Variants in AMACR observed in about 807,000 individuals in gnomAD.
AMACR encodes 2-methylacyl-CoA racemase.
In AMACR, 18 loss-of-function variants were observed where a neutral mutation model predicts 22.2. The observed-to-expected ratio is 0.81, with a 90% confidence interval of 0.56 to 1.20. AMACR has a LOEUF of 1.20. Ranked by LOEUF, AMACR falls within the 50% of genes most tolerant of loss-of-function variation. AMACR has a pLI of 0.00. For synonymous variants in AMACR, 213 were observed against 191.3 expected (o/e 1.11, Z -0.94); for missense variants, 499 against 490.6 (o/e 1.02, Z -0.16).
intron 3 of AMACR, among the ~76,000 whole-genome samples, chr5:34,000,997 G>A (rs1209807975): frequency 6.6e-6 from 1 of 152,136 alleles, no homozygotes; most frequent in African/African-American, 2.4e-5. Context: ...ACAAAAACAA[G>A]CTCTGGTCTA....
intron 4 of AMACR, chr5:33,997,380 G>A (rs772652147): frequency 9.0e-6 from 7 of 776,504 alleles, no homozygotes; most frequent in African/African-American, 5.1e-5. Flanking sequence ...GGCCATTGCC[G>A]CCTCCAACGG....
chr5:33,994,316 T>C (rs1753572173), intron 4 of AMACR, among the ~76,000 whole-genome samples: 1 of 152,020 alleles, frequency 6.6e-6, no homozygotes. Flanking sequence ...GCAGCTGGGA[T>C]TACAGACACG....
At position 33,988,719 on chromosome 5, in the gene AMACR, C is replaced by A; in HGVS notation, c.*374G>T. The A allele has an allele frequency of 1.7e-6, 2 of 1,191,120 alleles. No homozygotes were observed. The highest frequency in any genetic ancestry group is 1.6e-5 in the African/African-American group (1 of 63,792). 73.8% of individuals were successfully genotyped at this position (1,191,120 alleles called of 1,614,324 possible). On this transcript the variant is annotated 3_prime_UTR_variant, in exon 5 of 5. Transcript: ENST00000335606. ...ACAATTTGTGGCATTTCCTCATTTT[C>A]TACATTGTAGAATCAAGAGTGTAAA...
In AMACR at chr5:34,007,780, G is replaced by T; in HGVS notation, c.240C>A (p.Phe80Leu). ...CKRSDVLLEP[F>L]RRGVMEKLQL... Reference sequence around the variant, plus strand: ...CGCGGGGCCCGGGCTCACCGCGGCGGAAGGGCTCCAGCAGCACATCCGACC... The same window carrying T: ...CGCGGGGCCCGGGCTCACCGCGGCGTAAGGGCTCCAGCAGCACATCCGACC... Residue 80 changes from phenylalanine to leucine, a missense_variant, in exon 1 of 5, where the codon TTC (phenylalanine) becomes TTA (leucine). Phe to Leu is a conservative substitution (Grantham distance 22). Transcript: ENST00000335606. 1.9e-6 allele frequency: 3 copies of T among 1,558,194 alleles called. No individual in the cohort carries two copies. The highest frequency in any genetic ancestry group is 2.3e-5 in the East Asian group (1 of 42,596).
At chr5:34,005,257 C>A (rs768276222) in intron 2 of AMACR, among the ~76,000 whole-genome samples, 11 of 152,124 alleles carry the variant, frequency 7.2e-5, no homozygotes, top group African/African-American at 1.2e-4. Flanking sequence ...TCTCACATGT[C>A]GTCACAGGCA....
chr5:33,993,497 G>A lies in AMACR; in HGVS notation c.740-3995C>T, dbSNP rs79913913. On this transcript the variant is annotated intron_variant, in intron 4 of 4. Coordinates refer to ENST00000335606, the MANE Select transcript of AMACR (RefSeq NM_014324.6). Reference sequence around the variant, plus strand: ...TGTCTAATTTTCTGAGGAAATGCACGCTGTTTTTGACAGTGGCTACACCAC... The same window carrying A: ...TGTCTAATTTTCTGAGGAAATGCACACTGTTTTTGACAGTGGCTACACCAC... Among the ~76,000 whole-genome samples the A allele has an allele frequency of 7.7e-3, 1,171 of 152,266 alleles. 17 individuals are homozygous for A. Among genetic ancestry groups the A allele is most frequent in the African/African-American group, 0.027 (1,104 of 41,544 alleles).
At chr5:33,994,213 T>G (rs1381891920) in intron 4 of AMACR, 2 of 352,248 alleles carry the variant, frequency 5.7e-6, no homozygotes, top group Non-Finnish European at 1.2e-5. Flanking sequence ...AGAGTCTCGC[T>G]CTGTCACCCA....
intron 3 of AMACR, among the ~76,000 whole-genome samples, chr5:34,000,387 T>C (rs1753781388): frequency 6.6e-6 from 1 of 152,250 alleles, no homozygotes; most frequent in South Asian, 2.1e-4. Flanking sequence ...GGCCAAAGAA[T>C]GTGAGAAGTT....
chr5:34,006,969 T>C (rs1213670930), intron 1 of AMACR, among the ~76,000 whole-genome samples: 2 of 152,214 alleles, frequency 1.3e-5, no homozygotes, highest in Non-Finnish European at 1.5e-5. Context: ...GCAGCAGGTA[T>C]GGAGAGAAAT....
Position 34,007,818 on chromosome 5 carries a change from G to C in AMACR, c.202C>G (p.Arg68Gly). 3 of 1,576,672 alleles carry C rather than the reference G, an allele frequency of 1.9e-6. No individual in the cohort carries two copies. Among genetic ancestry groups the C allele is most frequent in the Non-Finnish European group, 2.6e-6 (3 of 1,165,442 alleles). Residue 68 changes from arginine to glycine, a missense_variant, in exon 1 of 5, where the codon CGT (arginine) becomes GGT (glycine). By Grantham distance (125) the Arg-to-Gly change is moderately radical. Coordinates refer to ENST00000335606, the MANE Select transcript of AMACR (RefSeq NM_014324.6). ...AGCACATCCGACCGCTTGCACAGAC[G>C]CCGCAGCACGGCGGCTCCCCGCGGC... ...KQPRGAAVLR[R>G]LCKRSDVLLE...
chr5:33,997,300 C>T lies in AMACR; in HGVS notation c.739+1341G>A, dbSNP rs754024031. ...TAGTTTTCTGTGAAGGAAACTGAAG[C>T]ATCCCCCAGCAGCCTGAGTGTAACA... On this transcript the variant is annotated intron_variant, in intron 4 of 4. Coordinates refer to ENST00000335606, the MANE Select transcript of AMACR (RefSeq NM_014324.6). 5.2e-6 allele frequency: 4 copies of T among 773,236 alleles called. No individual in the cohort carries two copies. In the African/African-American group the frequency reaches 6.8e-5, roughly 13 times the overall value. The allele number at this position is 773,236 out of a possible 1,614,324, so 47.9% of individuals were successfully genotyped here.
intron 4 of AMACR, among the ~76,000 whole-genome samples, chr5:33,998,100 C>A (rs1464577045): frequency 6.6e-6 from 1 of 152,178 alleles, no homozygotes; most frequent in Non-Finnish European, 1.5e-5. Context: ...GAAGAGATCC[C>A]AAATTTTCTT....
Position 33,989,094 on chromosome 5 carries a change from T to TAG in AMACR, c.1146_1147dup (p.Ter383SerfsTer20). 8 of 1,614,212 alleles carry TAG rather than the reference T, an allele frequency of 5.0e-6. No homozygotes were observed. Among genetic ancestry groups the TAG allele is most frequent in the Non-Finnish European group, 6.8e-6 (8 of 1,180,042 alleles). ...TCACTTGAGCCGTGGGCCTGGAAGTTAGAGACTAGCTTTTACCTTATTACT... is the reference window on the plus strand; with the variant it reads ...TCACTTGAGCCGTGGGCCTGGAAGTTAGAGAGACTAGCTTTTACCTTATTACT... On this transcript the variant is annotated frameshift_variant and stop_lost, in exon 5 of 5. Transcript: ENST00000335606. LOFTEE classifies it high-confidence loss of function.
chr5:33,995,143 T>C (rs1753598234), intron 4 of AMACR, among the ~76,000 whole-genome samples: 2 of 152,344 alleles, frequency 1.3e-5, no homozygotes, highest in South Asian at 4.1e-4. Context: ...ACATGAACCA[T>C]GTCCATCCCA....
Position 34,007,907 on chromosome 5 carries a change from C to T in AMACR, c.113G>A (p.Gly38Asp). The change falls in exon 1 of 5, where the codon GGC (glycine) becomes GAC (aspartate). Residue 38 changes from glycine to aspartate, a missense_variant. Coordinates refer to ENST00000335606, the MANE Select transcript of AMACR (RefSeq NM_014324.6). ...GARVVRVDRP[G>D]SRYDVSRLGR... Reference sequence around the variant, plus strand: ...CAAGCGGCTCACGTCGTAGCGGGAGCCGGGCCGGTCCACGCGTACCACACG... The same window carrying T: ...CAAGCGGCTCACGTCGTAGCGGGAGTCGGGCCGGTCCACGCGTACCACACG... 6.2e-7 allele frequency: 1 copy of T among 1,604,718 alleles called. No homozygotes were observed.
chr5:33,999,921 TAC>T (rs752099704), intron 3 of AMACR, among the ~76,000 whole-genome samples: 8 of 152,010 alleles, frequency 5.3e-5, no homozygotes, highest in African/African-American at 9.7e-5. Flanking sequence ...TTTATACACA[TAC>T]ACACACACAC....
rs543805675 is a variant in AMACR at position 33,997,078 on chromosome 5, C to G, written c.739+1563G>C. ...ACCCAGCATGTCCTTAGGTTTTACCCATTCATCAAACTGCTCTGCTGTGAG... is the reference window on the plus strand; with the variant it reads ...ACCCAGCATGTCCTTAGGTTTTACCGATTCATCAAACTGCTCTGCTGTGAG... On this transcript the variant is annotated intron_variant, in intron 4 of 4. Transcript: ENST00000335606. 9.6e-5 allele frequency: 72 copies of G among 748,340 alleles called. 1 individual carries two copies. The East Asian group carries it at 1.8e-3, about 19-fold the overall frequency. The allele number at this position is 748,340 out of a possible 1,614,324, so 46.4% of individuals were successfully genotyped here. A position where few individuals can be genotyped will look rare whatever the true frequency, so the allele number is the denominator to read the frequency against.
rs1470531052 is a variant in AMACR at position 33,988,861 on chromosome 5, T to C, written c.*232A>G. 1.5e-6 allele frequency: 2 copies of C among 1,370,932 alleles called. No homozygotes were observed. The highest frequency in any genetic ancestry group is 1.9e-6 in the Non-Finnish European group (2 of 1,065,286). The allele number at this position is 1,370,932 out of a possible 1,614,324, so 84.9% of individuals were successfully genotyped here. A position where few individuals can be genotyped will look rare whatever the true frequency, so the allele number is the denominator to read the frequency against. On this transcript the variant is annotated 3_prime_UTR_variant, in exon 5 of 5. Coordinates refer to ENST00000335606, the MANE Select transcript of AMACR (RefSeq NM_014324.6). ...ATATCAAGCAAACTGGAAGGCAGAA[T>C]AACTACCATAATTTAGTATAAGTAC...
Position 33,986,402 on chromosome 5 carries a change from C to T in AMACR, c.*2691G>A, listed in dbSNP as rs1287746794. The T allele has an allele frequency of 2.0e-5, 3 of 152,140 alleles. No individual in the cohort carries two copies. The highest frequency in any genetic ancestry group is 2.9e-5 in the Non-Finnish European group (2 of 68,026). 9.4% of individuals were successfully genotyped at this position (152,140 alleles called of 1,614,324 possible). On this transcript the variant is annotated 3_prime_UTR_variant, in exon 5 of 5. Coordinates refer to ENST00000335606, the MANE Select transcript of AMACR (RefSeq NM_014324.6). ...TGTTTGTCTTTGATTTCCTCAAGAGCGGAGAACAGGTCTGTTTTGTTCATT... is the reference window on the plus strand; with the variant it reads ...TGTTTGTCTTTGATTTCCTCAAGAGTGGAGAACAGGTCTGTTTTGTTCATT...
Sources: gnomAD v4.1 joint callset for allele counts (sites outside exome capture counted in the v4.1 genomes callset) on GRCh38, gnomAD v4.1.1 for gene constraint, MANE v1.5 for transcripts, NCBI Gene and HGNC (gene_info 2026-07-23, HGNC 2026-07-21) for gene names.